The following PPM1L variants were observed in gnomAD, a reference collection of about 807,000 sequenced individuals.
PPM1L encodes the protein protein phosphatase, Mg2+/Mn2+ dependent 1L, also known as protein phosphatase 1L.
In PPM1L, 13 loss-of-function variants were observed where a neutral mutation model predicts 31.4. That is an observed-to-expected ratio of 0.41 (90% confidence interval 0.27 to 0.66). The LOEUF (loss-of-function observed/expected upper bound fraction) is 0.66, where lower values mean the gene tolerates loss of function less well. Ranked by LOEUF, PPM1L falls within the 30% of genes least tolerant of loss-of-function variation. The pLI is 0.29. For missense variants in PPM1L, 326 were observed against 453.7 expected, an observed-to-expected ratio of 0.72 and a Z score of 2.56; for synonymous variants, 184 against 175.4, an observed-to-expected ratio of 1.05 and a Z score of -0.39.
At chr3:160,829,988 G>T (rs1012101078) in intron 1 of PPM1L, among the ~76,000 whole-genome samples, 14 of 152,174 alleles carry the variant, frequency 9.2e-5, no homozygotes, top group African/African-American at 3.4e-4. Flanking sequence ...GGGAAACAAA[G>T]TGGATTGGTC....
intron 1 of PPM1L, among the ~76,000 whole-genome samples, chr3:160,827,297 C>CT (rs1342809298): frequency 6.6e-6 from 1 of 152,134 alleles, no homozygotes; most frequent in East Asian, 1.9e-4. Flanking sequence ...CTCTGAGATA[C>CT]TTTTTTACTG....
chr3:160,848,708 G>A (rs1007700310), intron 1 of PPM1L, among the ~76,000 whole-genome samples: 1 of 152,164 alleles, frequency 6.6e-6, no homozygotes, highest in African/African-American at 2.4e-5. Context: ...CATCTCTGCA[G>A]CTGCCTCCTT....
At chr3:160,904,565 T>C (rs771967854) in intron 1 of PPM1L, among the ~76,000 whole-genome samples, 2 of 152,106 alleles carry the variant, frequency 1.3e-5, no homozygotes, top group Non-Finnish European at 2.9e-5. Flanking sequence ...GACTCTTGTA[T>C]TGGGAAGATG....
intron 1 of PPM1L, among the ~76,000 whole-genome samples, chr3:160,796,558 C>G (rs542157121): frequency 6.6e-6 from 1 of 152,266 alleles, no homozygotes; most frequent in Admixed American, 6.5e-5. Context: ...TTTGTGGGAC[C>G]TTAATTAGTT....
intron 2 of PPM1L, among the ~76,000 whole-genome samples, chr3:161,007,887 GA>G (rs1032352603): frequency 3.3e-5 from 5 of 152,108 alleles, no homozygotes; most frequent in African/African-American, 1.2e-4. Context: ...GGAGAAGATA[GA>G]AGTAGAAAGA....
At position 161,071,853 on chromosome 3, in the gene PPM1L, A is replaced by T. The variant is rs1441196051; in HGVS notation, c.*2696A>T. ...TAGCCATTAGGGAAATTGATTTGAG[A>T]TGTTTGCATGTGAAGCTTCCCTAAG... On this transcript the variant is annotated 3_prime_UTR_variant, in exon 4 of 4. Coordinates refer to ENST00000498165, the MANE Select transcript of PPM1L (RefSeq NM_139245.4). 4 of 152,128 alleles carry T rather than the reference A, an allele frequency of 2.6e-5. No individual in the cohort carries two copies. The highest frequency in any genetic ancestry group is 5.9e-5 in the Non-Finnish European group (4 of 68,042). The allele number at this position is 152,128 out of a possible 1,614,324, so 9.4% of individuals were successfully genotyped here.
chr3:160,924,238 G>T (rs534836732), intron 1 of PPM1L, among the ~76,000 whole-genome samples: 18 of 139,590 alleles, frequency 1.3e-4, no homozygotes, highest in African/African-American at 3.9e-4. Context: ...GCTATGGGCT[G>T]TGAGCAAAAC....
At chr3:161,012,965 C>T (rs1184822079) in intron 2 of PPM1L, among the ~76,000 whole-genome samples, 3 of 152,058 alleles carry the variant, frequency 2.0e-5, no homozygotes, top group East Asian at 3.8e-4. Context: ...TTTCAAAAAA[C>T]CAGCTCCTGG....
chr3:160,795,116 A>T (rs1186578826), intron 1 of PPM1L, among the ~76,000 whole-genome samples: 1 of 152,222 alleles, frequency 6.6e-6, no homozygotes, highest in African/African-American at 2.4e-5. Context: ...ACTGGGAAAG[A>T]TGAAAATGGG....
chr3:161,024,703 A>G (rs1432942894), intron 2 of PPM1L, among the ~76,000 whole-genome samples: 1 of 151,928 alleles, frequency 6.6e-6, no homozygotes, highest in Non-Finnish European at 1.5e-5. Flanking sequence ...CATCTCAAAA[A>G]AAAAAAAAAA....
intron 1 of PPM1L, among the ~76,000 whole-genome samples, chr3:160,862,556 A>G (rs1711931392): frequency 6.6e-6 from 1 of 152,048 alleles, no homozygotes; most frequent in Non-Finnish European, 1.5e-5. Flanking sequence ...TAACATTCAT[A>G]TGGGAAATTT....
chr3:160,979,241 A>AT (rs1190640952), intron 2 of PPM1L, among the ~76,000 whole-genome samples: 1 of 151,902 alleles, frequency 6.6e-6, no homozygotes, highest in East Asian at 1.9e-4. Flanking sequence ...TCATTTATTG[A>AT]TTTTCCAACC....
intron 1 of PPM1L, among the ~76,000 whole-genome samples, chr3:160,836,319 A>T (rs1713713874): frequency 8.0e-6 from 1 of 125,470 alleles, no homozygotes; most frequent in Admixed American, 7.4e-5. Flanking sequence ...GGAAAGGAAG[A>T]GAGAGAGAGA....
intron 1 of PPM1L, among the ~76,000 whole-genome samples, chr3:160,907,955 G>A (rs972061458): frequency 2.6e-5 from 4 of 152,216 alleles, no homozygotes; most frequent in Non-Finnish European, 4.4e-5. Flanking sequence ...AGGTAAGTGA[G>A]CCCAGTTGAT....
At chr3:160,924,922 A>T (rs921493956) in intron 1 of PPM1L, among the ~76,000 whole-genome samples, 1 of 152,212 alleles carries the variant, frequency 6.6e-6, no homozygotes, top group Non-Finnish European at 1.5e-5. Context: ...TCCTTTTGTC[A>T]GCTCTTTACT....
At chr3:160,843,734 G>C (rs1280000748) in intron 1 of PPM1L, among the ~76,000 whole-genome samples, 1 of 151,400 alleles carries the variant, frequency 6.6e-6, no homozygotes, top group African/African-American at 2.4e-5. Flanking sequence ...GATTCCTCAG[G>C]GATCTAGAAC....
chr3:161,063,756 C>T (rs1719643929), intron 2 of PPM1L, among the ~76,000 whole-genome samples: 1 of 152,292 alleles, frequency 6.6e-6, no homozygotes, highest in Admixed American at 6.5e-5. Context: ...ATAGCAAAGA[C>T]TTGGAACCCA....
chr3:160,868,072 A>T (rs1712157722), intron 1 of PPM1L, among the ~76,000 whole-genome samples: 1 of 152,206 alleles, frequency 6.6e-6, no homozygotes, highest in South Asian at 2.1e-4. Flanking sequence ...TATAAACCTT[A>T]GACTGATATT....
chr3:160,865,334 G>A (rs577561913), intron 1 of PPM1L, among the ~76,000 whole-genome samples: 6 of 152,328 alleles, frequency 3.9e-5, no homozygotes, highest in African/African-American at 1.4e-4. Flanking sequence ...TAATTTTAGG[G>A]TAGATGGAAG....
Sources: gnomAD v4.1 joint callset for allele counts (sites outside exome capture counted in the v4.1 genomes callset) on GRCh38, gnomAD v4.1.1 for gene constraint, MANE v1.5 for transcripts, NCBI Gene and HGNC (gene_info 2026-07-23, HGNC 2026-07-21) for gene names.